Variants in ARHGEF10 observed in about 807,000 individuals in gnomAD.
ARHGEF10 encodes Rho guanine nucleotide exchange factor 10.
A neutral mutation model predicts 147.4 loss-of-function variants in ARHGEF10; 140 were observed. The observed-to-expected ratio is 0.95, with a 90% CI of 0.83 to 1.09. The LOEUF (loss-of-function observed/expected upper bound fraction) is 1.09. Among genes scored for constraint, ARHGEF10 ranks in the 50% least tolerant of loss-of-function variants. The pLI, the probability that ARHGEF10 is intolerant of heterozygous loss-of-function variation, is 0.00. For missense variants in ARHGEF10, 2,222 were observed against 1,752.7 expected (o/e 1.27, Z -4.78); for synonymous variants, 902 against 695.8 (o/e 1.30, Z -4.67).
chr8:1,844,239 G>A (rs1465752257), intron 2 of ARHGEF10, among the ~76,000 whole-genome samples: 1 of 152,178 alleles, frequency 6.6e-6, no homozygotes, highest in Non-Finnish European at 1.5e-5. Flanking sequence ...TTGGTCGTCT[G>A]TGCCCCCCAA....
At chr8:1,919,479 TC>T (rs1323939350) in intron 18 of ARHGEF10, among the ~76,000 whole-genome samples, 12 of 139,986 alleles carry the variant, frequency 8.6e-5, no homozygotes, top group Middle Eastern at 4.3e-3. Flanking sequence ...AGCTGTTCTG[TC>T]CAGTGATGGA....
chr8:1,944,676 A>G (rs999545), intron 26 of ARHGEF10, among the ~76,000 whole-genome samples: 49,258 of 151,982 alleles, frequency 0.32, 8,481 homozygotes, highest in Admixed American at 0.41. Flanking sequence ...CAGGATCGTG[A>G]GTTTCTTTAA....
intron 6 of ARHGEF10, among the ~76,000 whole-genome samples, chr8:1,867,009 G>T (rs1460549289): frequency 6.6e-6 from 1 of 150,692 alleles, no homozygotes; most frequent in Non-Finnish European, 1.5e-5. Flanking sequence ...GGGGCGGGTG[G>T]GCCTCCCTTT....
intron 27 of ARHGEF10, among the ~76,000 whole-genome samples, chr8:1,947,127 T>C (rs1322019868): frequency 6.6e-6 from 1 of 152,224 alleles, no homozygotes; most frequent in East Asian, 1.9e-4. Flanking sequence ...AGGCTGTCCT[T>C]GTTGGGACAA....
At chr8:1,847,704 C>T (rs370216231) in intron 2 of ARHGEF10, among the ~76,000 whole-genome samples, 48 of 152,242 alleles carry the variant, frequency 3.2e-4, no homozygotes, top group African/African-American at 1.1e-3. Context: ...TTATGAATAG[C>T]CTCTTGTGGC....
chr8:1,907,769 G>A (rs974403814), intron 17 of ARHGEF10, among the ~76,000 whole-genome samples: 1 of 152,188 alleles, frequency 6.6e-6, no homozygotes, highest in Non-Finnish European at 1.5e-5. Flanking sequence ...GCAGTGGTGA[G>A]TCGCAATTCC....
chr8:1,905,037 G>C (rs762532127), intron 16 of ARHGEF10, among the ~76,000 whole-genome samples: 3 of 152,198 alleles, frequency 2.0e-5, no homozygotes, highest in Non-Finnish European at 4.4e-5. Flanking sequence ...GCTGAGGCAC[G>C]AGAATCAATT....
At chr8:1,854,038 G>A (rs1417814570) in intron 2 of ARHGEF10, among the ~76,000 whole-genome samples, 1 of 152,226 alleles carries the variant, frequency 6.6e-6, no homozygotes, top group East Asian at 1.9e-4. Flanking sequence ...AACCTGTCAG[G>A]GCTGGTGTCA....
intron 3 of ARHGEF10, 143 bp downstream of exon 3, chr8:1,858,258 TGGGGGGTTCCCA>T (rs1432418991): frequency 8.3e-6 from 4 of 479,296 alleles, no homozygotes; most frequent in Non-Finnish European, 1.3e-5. Flanking sequence ...GTGAGTCCCC[TGGGGGGTTCCCA>T]GGTGAGTCCG....
chr8:1,928,731 G>T, intron 24 of ARHGEF10, 81 bp downstream of exon 24: 1 of 1,504,346 alleles, frequency 6.6e-7, no homozygotes, highest in South Asian at 1.2e-5. Flanking sequence ...CCTGGAAAGA[G>T]TCCTTGACTT....
In ARHGEF10 at chr8:1,847,538, G is replaced by A. The variant is rs376504912; in HGVS notation, c.37+4102G>A. ...AAATACCTGGTAACTTCCATAATGA[G>A]CTCAGACAGACGCCAGCACTCACAC... On this transcript the variant is annotated intron_variant, in intron 2 of 28. Coordinates refer to ENST00000349830, the MANE Select transcript of ARHGEF10 (RefSeq NM_014629.4). Among the ~76,000 whole-genome samples, 26 of 152,058 alleles carry A rather than the reference G, an allele frequency of 1.7e-4. 3 individuals carry two copies. Among genetic ancestry groups the A allele is most frequent in the Admixed American group, 1.4e-3 (21 of 15,266 alleles).
At chr8:1,829,036 GT>G (rs1802932747) in intron 1 of ARHGEF10, among the ~76,000 whole-genome samples, 1 of 152,256 alleles carries the variant, frequency 6.6e-6, no homozygotes, top group South Asian at 2.1e-4. Flanking sequence ...CGGACGGGGA[GT>G]CCTCGAGCTT....
At chr8:1,854,452 C>A (rs1288108976) in intron 2 of ARHGEF10, among the ~76,000 whole-genome samples, 1 of 152,194 alleles carries the variant, frequency 6.6e-6, no homozygotes, top group African/African-American at 2.4e-5. Context: ...GAACTGAATT[C>A]TGAGAGGAAT....
intron 2 of ARHGEF10, among the ~76,000 whole-genome samples, chr8:1,854,009 G>A (rs1166664764): frequency 6.6e-6 from 1 of 152,228 alleles, no homozygotes; most frequent in Admixed American, 6.5e-5. Flanking sequence ...TCAGCACAGG[G>A]ATTTAGGGGA....
At chr8:1,849,509 CAG>C (rs1305421105) in intron 2 of ARHGEF10, among the ~76,000 whole-genome samples, 1 of 124,824 alleles carries the variant, frequency 8.0e-6, no homozygotes, top group Non-Finnish European at 1.6e-5. Context: ...CACGTGGACA[CAG>C]GGCAAATGCT....
intron 7 of ARHGEF10, among the ~76,000 whole-genome samples, chr8:1,872,174 AAGTT>A (rs1421101442): frequency 6.6e-5 from 10 of 152,208 alleles, no homozygotes; most frequent in Admixed American, 1.3e-4. Flanking sequence ...TTTTATCAAA[AAGTT>A]AGATGAAATT....
intron 7 of ARHGEF10, among the ~76,000 whole-genome samples, chr8:1,874,156 C>A (rs767291610): frequency 3.9e-5 from 6 of 152,200 alleles, no homozygotes; most frequent in Non-Finnish European, 8.8e-5. Context: ...GAGTAATTCA[C>A]TGAATTGATG....
Position 1,882,746 on chromosome 8 carries a change from C to G in ARHGEF10, c.1072C>G (p.Gln358Glu). ...CATCAGGACCAAGTCTCTCATCGCACAGGGTCCGTGCCTGCAGGTCTTCTT... is the reference window on the plus strand; with the variant it reads ...CATCAGGACCAAGTCTCTCATCGCAGAGGGTCCGTGCCTGCAGGTCTTCTT... ...SFIRTKSLIA[Q>E]DHRSSLEEEQ... The change falls in exon 10 of 29, where the codon CAG becomes GAG. Residue 358 changes from glutamine to glutamate, a missense_variant. Transcript: ENST00000349830. 1 of 1,517,758 alleles carries G rather than the reference C, an allele frequency of 6.6e-7. No individual in the cohort carries two copies. Among genetic ancestry groups the G allele is most frequent in the Non-Finnish European group, 8.9e-7 (1 of 1,127,882 alleles). The allele number at this position is 1,517,758 out of a possible 1,614,324, so 94.0% of individuals were successfully genotyped here.
At chr8:1,824,555 TC>T (rs1802620049) in intron 1 of ARHGEF10, among the ~76,000 whole-genome samples, 1 of 144,458 alleles carries the variant, frequency 6.9e-6, no homozygotes, top group African/African-American at 2.6e-5. Context: ...ACCCTACCTG[TC>T]CCCCTACCCC....
Sources: allele counts gnomAD v4.1 joint callset (sites outside exome capture counted in the v4.1 genomes callset), GRCh38; gene constraint gnomAD v4.1.1; transcripts MANE v1.5; gene names NCBI Gene and HGNC (gene_info 2026-07-23, HGNC 2026-07-21).